The following NELL1 variants were observed in gnomAD, a reference collection of about 807,000 sequenced individuals.
NELL1 encodes protein kinase C-binding protein NELL1.
NELL1 carries 76 observed loss-of-function variants against 107.4 expected under a neutral mutation model. That is an observed-to-expected ratio of 0.71 (90% CI 0.59 to 0.86). NELL1 has a LOEUF of 0.86. NELL1 is among the 40% of genes least tolerant of loss of function. The probability of loss-of-function intolerance (pLI) is 0.00; values close to 1 mark genes in which losing one functional copy is unlikely to be tolerated. For synonymous variants in NELL1, 353 were observed against 341.2 expected (o/e 1.03, Z -0.38); for missense variants, 1,024 against 1,005.5 (o/e 1.02, Z -0.25).
intron 3 of NELL1, among the ~76,000 whole-genome samples, chr11:20,800,107 A>G (rs1857252840): frequency 6.6e-6 from 1 of 152,188 alleles, no homozygotes. Context: ...CCAATCCACC[A>G]TTGATGGGCA....
At chr11:20,968,510 A>C (rs566787448) in intron 12 of NELL1, among the ~76,000 whole-genome samples, 2 of 152,290 alleles carry the variant, frequency 1.3e-5, no homozygotes, top group Middle Eastern at 6.8e-3. Flanking sequence ...GCTAATACTC[A>C]GTTCATGTAA....
At chr11:21,359,098 A>G (rs1851013289) in intron 14 of NELL1, among the ~76,000 whole-genome samples, 1 of 152,032 alleles carries the variant, frequency 6.6e-6, no homozygotes. Flanking sequence ...TTTGAGTGTA[A>G]TGTTGGGTAT....
chr11:20,812,109 C>T (rs1482471944), intron 3 of NELL1, among the ~76,000 whole-genome samples: 2 of 152,054 alleles, frequency 1.3e-5, no homozygotes, highest in Admixed American at 6.6e-5. Context: ...GAGGTATATA[C>T]CTTCTATACC....
chr11:21,287,026 G>A (rs1473864854), intron 14 of NELL1, among the ~76,000 whole-genome samples: 2 of 152,142 alleles, frequency 1.3e-5, no homozygotes, highest in Non-Finnish European at 2.9e-5. Context: ...AGTGCTTAGT[G>A]TATTTTAGAA....
intron 15 of NELL1, among the ~76,000 whole-genome samples, chr11:21,474,084 G>A (rs902625223): frequency 6.6e-6 from 1 of 151,884 alleles, no homozygotes; most frequent in East Asian, 1.9e-4. Flanking sequence ...ATCTCAATCT[G>A]GGCCTATGAG....
chr11:21,560,896 T>C (rs533625299), intron 17 of NELL1, among the ~76,000 whole-genome samples: 1 of 72,006 alleles, frequency 1.4e-5, no homozygotes, highest in South Asian at 3.6e-4. Flanking sequence ...TAGAAATTGA[T>C]GTCTTCTTTG....
chr11:21,419,057 T>C (rs1202618870), intron 15 of NELL1, among the ~76,000 whole-genome samples: 2 of 152,122 alleles, frequency 1.3e-5, no homozygotes, highest in Non-Finnish European at 2.9e-5. Context: ...ATGACACTTG[T>C]TCACATTTGC....
chr11:21,218,303 T>A (rs965763583), intron 13 of NELL1, among the ~76,000 whole-genome samples: 3 of 152,148 alleles, frequency 2.0e-5, no homozygotes, highest in Admixed American at 6.6e-5. Context: ...GCCTGAACTA[T>A]TAGCTGTAAA....
chr11:21,563,990 CAA>C (rs913289001), intron 17 of NELL1, among the ~76,000 whole-genome samples: 1 of 151,744 alleles, frequency 6.6e-6, no homozygotes, highest in African/African-American at 2.4e-5. Flanking sequence ...ATATCAGGAA[CAA>C]AAAGAGTATA....
chr11:21,219,831 CTGG>C (rs1857709372), intron 13 of NELL1, among the ~76,000 whole-genome samples: 1 of 152,110 alleles, frequency 6.6e-6, no homozygotes, highest in South Asian at 2.1e-4. Context: ...CTACCTGAGA[CTGG>C]TAATTTATAA....
intron 13 of NELL1, among the ~76,000 whole-genome samples, chr11:21,209,333 A>T (rs200434575): frequency 0.1 from 1,127 of 10,796 alleles, 15 homozygotes; most frequent in Admixed American, 0.15. Flanking sequence ...TGTATATATT[A>T]TATATATATA....
At chr11:20,856,931 C>T (rs948178790) in intron 4 of NELL1, among the ~76,000 whole-genome samples, 9 of 152,272 alleles carry the variant, frequency 5.9e-5, no homozygotes, top group African/African-American at 1.9e-4. Flanking sequence ...GTGTAAGGTA[C>T]ATGGATGTGC....
intron 2 of NELL1, among the ~76,000 whole-genome samples, chr11:20,687,561 T>A (rs1442425245): frequency 6.6e-6 from 1 of 151,948 alleles, no homozygotes; most frequent in South Asian, 2.1e-4. Context: ...ATATGGAGTA[T>A]GTTTTTTGGT....
chr11:20,807,066 T>TA (rs1471157874), intron 3 of NELL1, among the ~76,000 whole-genome samples: 1 of 151,648 alleles, frequency 6.6e-6, no homozygotes, highest in African/African-American at 2.4e-5. Context: ...TTTTTTTTTT[T>TA]TTGTTGGGGT....
At chr11:21,046,728 G>T (rs1343636815) in intron 12 of NELL1, among the ~76,000 whole-genome samples, 2 of 146,246 alleles carry the variant, frequency 1.4e-5, no homozygotes, top group Non-Finnish European at 3.0e-5. Context: ...ATTGAGGCAG[G>T]GTCTCACTCT....
At chr11:21,520,027 G>T (rs1354731630) in intron 15 of NELL1, among the ~76,000 whole-genome samples, 1 of 152,106 alleles carries the variant, frequency 6.6e-6, no homozygotes, top group African/African-American at 2.4e-5. Flanking sequence ...CTTTGATCTG[G>T]CACTAATAGG....
At chr11:21,524,741 A>C (rs536752300) in intron 15 of NELL1, among the ~76,000 whole-genome samples, 2 of 152,192 alleles carry the variant, frequency 1.3e-5, no homozygotes, top group Non-Finnish European at 2.9e-5. Context: ...TAATTACTAG[A>C]GGAGCAGGAT....
intron 15 of NELL1, among the ~76,000 whole-genome samples, chr11:21,409,004 A>G (rs1436777686): frequency 2.0e-5 from 3 of 152,060 alleles, no homozygotes; most frequent in Admixed American, 1.3e-4. Context: ...TAGTTCAACC[A>G]TTGTGGAAGT....
At chr11:21,103,387 C>T (rs1197412084) in intron 12 of NELL1, among the ~76,000 whole-genome samples, 3 of 152,124 alleles carry the variant, frequency 2.0e-5, no homozygotes, top group Non-Finnish European at 4.4e-5. Context: ...AAAGGGGAAG[C>T]TAAGTTTGCC....
Sources: gnomAD v4.1 joint callset for allele counts (sites outside exome capture counted in the v4.1 genomes callset) on GRCh38, gnomAD v4.1.1 for gene constraint, MANE v1.5 for transcripts, NCBI Gene and HGNC (gene_info 2026-07-23, HGNC 2026-07-21) for gene names.